GRIN2A: variants seen among roughly 807,000 people sequenced by gnomAD.
GRIN2A encodes the protein glutamate receptor ionotropic, NMDA 2A.
A neutral mutation model predicts 113.4 loss-of-function variants in GRIN2A; 22 were observed. The ratio of observed to expected loss-of-function variants is 0.19; its 90% CI spans 0.14 to 0.28. The LOEUF (loss-of-function observed/expected upper bound fraction) is 0.28, where lower values mean the gene tolerates loss of function less well. GRIN2A is among the 10% of genes least tolerant of loss of function. The pLI is 1.00. For synonymous variants in GRIN2A, 827 were observed against 738.4 expected, an observed-to-expected ratio of 1.12 and a Z score of -1.94; for missense variants, 1,502 against 1,887.0, an observed-to-expected ratio of 0.80 and a Z score of 3.78.
Position 9,938,452 on chromosome 16 carries a change from G to T in GRIN2A, c.514C>A (p.Leu172Met). The T allele has an allele frequency of 6.2e-7, 1 of 1,613,866 alleles. No individual in the cohort carries two copies. The highest frequency in any genetic ancestry group is 8.5e-7 in the Non-Finnish European group (1 of 1,179,936). Residue 172 changes from leucine (L) to methionine (M), a missense_variant, in exon 3 of 13, where the codon CTG becomes ATG. Around this residue, in one of 7 missense-constraint regions of GRIN2A, gnomAD observed 334 missense variants for 403.0 expected, o/e 0.83. Coordinates refer to ENST00000330684, the MANE Select transcript of GRIN2A (RefSeq NM_001134407.3). The part of the protein sequence containing the change: ...MQDYDWHVFS[L>M]VTTIFPGYRE... Reference sequence around the variant, plus strand: ...TAGCCAGGGAAGATAGTGGTCACCAGGGAGAAGACATGCCAGTCATAATCC... The same window carrying T: ...TAGCCAGGGAAGATAGTGGTCACCATGGAGAAGACATGCCAGTCATAATCC...
intron 11 of GRIN2A, among the ~76,000 whole-genome samples, chr16:9,778,509 G>C (rs372849458): frequency 6.6e-6 from 1 of 152,186 alleles, no homozygotes. Flanking sequence ...AGGAGTTCTT[G>C]TGTTTTAAAC....
At chr16:10,158,798 G>C (rs887849653) in intron 2 of GRIN2A, among the ~76,000 whole-genome samples, 10 of 152,162 alleles carry the variant, frequency 6.6e-5, no homozygotes, top group Non-Finnish European at 8.8e-5. Context: ...ATGGTTACTG[G>C]TCTCCTTTTG....
At chr16:9,960,394 G>A (rs531230499) in intron 2 of GRIN2A, among the ~76,000 whole-genome samples, 8 of 152,294 alleles carry the variant, frequency 5.3e-5, no homozygotes, top group Admixed American at 3.3e-4. Context: ...AAGAGCGACT[G>A]TTCTTGGGTT....
intron 5 of GRIN2A, among the ~76,000 whole-genome samples, chr16:9,844,101 T>A (rs2042729529): frequency 6.6e-6 from 1 of 152,164 alleles, no homozygotes; most frequent in Non-Finnish European, 1.5e-5. Context: ...CACAGGCTCT[T>A]CCTTCACCTG....
rs147841629 is a variant in GRIN2A, at chr16:10,050,856, C to T, written c.415-112305G>A. Among the ~76,000 whole-genome samples, 39 of 152,240 alleles carry T rather than the reference C, an allele frequency of 2.6e-4. No homozygotes were observed. In the East Asian group the frequency reaches 7.0e-3, roughly 27 times the overall value. ...TTACAGAGGAGCACAGCCCTGCTTTCACAAACCTTGATTTTAACCCAGTGA... is the reference window on the plus strand; with the variant it reads ...TTACAGAGGAGCACAGCCCTGCTTTTACAAACCTTGATTTTAACCCAGTGA... On this transcript the variant is annotated intron_variant, in intron 2 of 12. Coordinates refer to ENST00000330684, the MANE Select transcript of GRIN2A (RefSeq NM_001134407.3).
At chr16:9,816,495 A>G (rs1339471157) in intron 10 of GRIN2A, among the ~76,000 whole-genome samples, 1 of 152,190 alleles carries the variant, frequency 6.6e-6, no homozygotes, top group Admixed American at 6.5e-5. Context: ...ATGAAAATCA[A>G]TTAAAAGAAA....
intron 2 of GRIN2A, among the ~76,000 whole-genome samples, chr16:10,098,161 T>C (rs997429423): frequency 1.3e-5 from 2 of 151,758 alleles, no homozygotes; most frequent in Non-Finnish European, 2.9e-5. Context: ...GAACAGATAG[T>C]TCTCAAAAGA....
At chr16:10,097,558 C>G (rs2048317102) in intron 2 of GRIN2A, among the ~76,000 whole-genome samples, 1 of 152,154 alleles carries the variant, frequency 6.6e-6, no homozygotes, top group African/African-American at 2.4e-5. Context: ...GGTCCCTAAG[C>G]CTTCCTGAAA....
chr16:10,024,803 A>G (rs1276359007), intron 2 of GRIN2A, among the ~76,000 whole-genome samples: 1 of 152,234 alleles, frequency 6.6e-6, no homozygotes, highest in African/African-American at 2.4e-5. Context: ...CTTAGCAATT[A>G]TATCAAGTAA....
chr16:9,877,392 C>T (rs914022319), intron 4 of GRIN2A, among the ~76,000 whole-genome samples: 4 of 152,086 alleles, frequency 2.6e-5, no homozygotes, highest in Non-Finnish European at 5.9e-5. Context: ...TGGAAGCTCA[C>T]TTTGAACCTC....
intron 2 of GRIN2A, among the ~76,000 whole-genome samples, chr16:9,947,614 T>A (rs1361592423): frequency 6.6e-6 from 1 of 152,208 alleles, no homozygotes; most frequent in African/African-American, 2.4e-5. Context: ...CAGCTCTGAA[T>A]GCTCAAGTTC....
At chr16:10,018,454 G>A (rs1449162931) in intron 2 of GRIN2A, among the ~76,000 whole-genome samples, 6 of 152,176 alleles carry the variant, frequency 3.9e-5, no homozygotes, top group Non-Finnish European at 7.3e-5. Context: ...ACCAAAACGT[G>A]AAAGGGGAGT....
At chr16:10,021,226 T>C (rs2046714768) in intron 2 of GRIN2A, among the ~76,000 whole-genome samples, 1 of 152,146 alleles carries the variant, frequency 6.6e-6, no homozygotes, top group Non-Finnish European at 1.5e-5. Flanking sequence ...GAGACCTAGG[T>C]AGTGAATGAA....
rs59847925 is a variant in GRIN2A at position 10,180,980 on chromosome 16, A to G, written c.-18-551T>C. 0.043 allele frequency among the ~76,000 whole-genome samples: 6,613 copies of G among 152,104 alleles called. 351 individuals are homozygous for G. Among genetic ancestry groups the G allele is most frequent in the African/African-American group, 0.13 (5,200 of 41,488 alleles). On this transcript the variant is annotated intron_variant, in intron 1 of 12. Transcript: ENST00000330684. This position sits in a 1 kb window ranked among gnomAD's most constrained non-coding sequence, Gnocchi z 7.0. The stretch of plus-strand genomic sequence containing the variant: ...AGCTAGTTGGCTGACCCCGCCCCCT[A>G]CGAGCCCGTCGTGTGCACCACACAC...
chr16:9,765,009 G>T, intron 12 of GRIN2A, 61 bp from the exon 13 acceptor site: 1 of 1,607,690 alleles, frequency 6.2e-7, no homozygotes, highest in Non-Finnish European at 8.5e-7. Context: ...AAACCACTTT[G>T]CACTTGAACT....
At chr16:9,812,485 A>C (rs2042105713) in intron 10 of GRIN2A, among the ~76,000 whole-genome samples, 1 of 152,098 alleles carries the variant, frequency 6.6e-6, no homozygotes, top group Non-Finnish European at 1.5e-5. Context: ...CTAAAAATAC[A>C]AAAATTAACC....
rs2042747399 is a variant in GRIN2A at position 9,845,031 on chromosome 16, C to G, written c.1329-3927G>C. 2.6e-5 allele frequency among the ~76,000 whole-genome samples: 4 copies of G among 152,122 alleles called. No individual in the cohort carries two copies. The South Asian group carries it at 8.3e-4, about 32-fold the overall frequency. Reference sequence around the variant, plus strand: ...CTGATCAGCCTTCCTCAAAGACGTTCCCTATAGGAAATGCAATTGATCTAA... The same window carrying G: ...CTGATCAGCCTTCCTCAAAGACGTTGCCTATAGGAAATGCAATTGATCTAA... On this transcript the variant is annotated intron_variant, in intron 5 of 12. Transcript: ENST00000330684.
At chr16:10,095,152 C>A (rs1596499510) in intron 2 of GRIN2A, among the ~76,000 whole-genome samples, 1 of 152,152 alleles carries the variant, frequency 6.6e-6, no homozygotes, top group African/African-American at 2.4e-5. Context: ...AGAGAGAAGA[C>A]AGCTGTCTGC....
intron 11 of GRIN2A, among the ~76,000 whole-genome samples, chr16:9,795,012 CATG>C (rs144855272): frequency 2.6e-5 from 4 of 151,144 alleles, no homozygotes; most frequent in East Asian, 3.9e-4. Context: ...TGGCAATGGT[CATG>C]ATGATGATGA....
Sources: gnomAD v4.1 joint callset for allele counts (sites outside exome capture counted in the v4.1 genomes callset) on GRCh38, gnomAD v4.1.1 for gene constraint, gnomAD v4.1.1 regional missense constraint, Gnocchi (gnomAD v3.1) non-coding constraint, MANE v1.5 for transcripts, NCBI Gene and HGNC (gene_info 2026-07-23, HGNC 2026-07-21) for gene names.